The following SATB2 variants were observed in gnomAD, a reference collection of about 807,000 sequenced individuals.
SATB2 encodes the protein SATB homeobox 2, also known as DNA-binding protein SATB2.
In SATB2, 1 loss-of-function variant was observed where a neutral mutation model predicts 73.4. The observed-to-expected ratio is 0.01, with a 90% CI of 0.00 to 0.06. The LOEUF (loss-of-function observed/expected upper bound fraction) is 0.06, where lower values mean the gene tolerates loss of function less well. Among genes scored for constraint, SATB2 ranks in the 10% least tolerant of loss-of-function variants. The pLI, the probability that SATB2 is intolerant of heterozygous loss-of-function variation, is 1.00. For missense variants in SATB2, 459 were observed against 945.8 expected (o/e 0.49, Z 6.75); for synonymous variants, 397 against 367.0 (o/e 1.08, Z -0.93).
chr2:199,346,781 T>C (rs1688662492), intron 7 of SATB2: 1 of 152,138 alleles, frequency 6.6e-6, no homozygotes, highest in African/African-American at 2.4e-5. Flanking sequence ...GGTGCATTTT[T>C]TGAGTGTTAA....
intron 7 of SATB2, among the ~76,000 whole-genome samples, chr2:199,339,000 G>C (rs1193713061): frequency 6.6e-6 from 1 of 151,844 alleles, no homozygotes; most frequent in South Asian, 2.1e-4. Flanking sequence ...TCTTGCATGA[G>C]TTTTGTGAAA....
chr2:199,341,350 A>G (rs959979688), intron 7 of SATB2, among the ~76,000 whole-genome samples: 1 of 152,184 alleles, frequency 6.6e-6, no homozygotes, highest in Non-Finnish European at 1.5e-5. Flanking sequence ...CACAGACACT[A>G]TGTGCATCAC....
chr2:199,449,943 T>C (rs1692075082), intron 2 of SATB2, among the ~76,000 whole-genome samples: 1 of 152,118 alleles, frequency 6.6e-6, no homozygotes, highest in Non-Finnish European at 1.5e-5. Flanking sequence ...AGGCAAACTC[T>C]TTTCTTCATT....
At chr2:199,444,863 C>T (rs891538732) in intron 2 of SATB2, among the ~76,000 whole-genome samples, 2 of 152,184 alleles carry the variant, frequency 1.3e-5, no homozygotes, top group Non-Finnish European at 2.9e-5. Context: ...CAAATAGGAT[C>T]GACAAACAGC....
rs553939604 is a variant in SATB2, at chr2:199,371,133, TA to T, written c.598-2427del. 5.8e-4 allele frequency among the ~76,000 whole-genome samples: 88 copies of T among 152,242 alleles called. 2 individuals are homozygous for T. In the East Asian group the frequency reaches 0.015, roughly 25 times the overall value. On this transcript the variant is annotated intron_variant, in intron 5 of 10. Transcript: ENST00000417098. ...GTTATAGTCCATCCTCAGAAGACTTTAAAATCAGAAGACATAAAAATATCTT... is the reference window on the plus strand; with the variant it reads ...GTTATAGTCCATCCTCAGAAGACTTTAAATCAGAAGACATAAAAATATCTT...
intron 10 of SATB2, among the ~76,000 whole-genome samples, chr2:199,297,500 T>A (rs1687145009): frequency 6.6e-6 from 1 of 152,210 alleles, no homozygotes; most frequent in Admixed American, 6.5e-5. Flanking sequence ...AAGTTCTGCA[T>A]CTTCACTCTA....
chr2:199,398,958 C>T (rs1690385598), intron 3 of SATB2, among the ~76,000 whole-genome samples: 1 of 152,166 alleles, frequency 6.6e-6, no homozygotes, highest in South Asian at 2.1e-4. Context: ...AATCTTTGAA[C>T]TTCTAAAGAT....
At chr2:199,328,956 AT>A in intron 7 of SATB2, 46 bp from the exon 8 acceptor site, 1 of 1,479,868 alleles carries the variant, frequency 6.8e-7, no homozygotes, top group Non-Finnish European at 9.4e-7. Context: ...ATTTGCAGGT[AT>A]ATGTGTGTGG....
intron 6 of SATB2, among the ~76,000 whole-genome samples, chr2:199,359,350 T>A (rs1302830405): frequency 6.6e-6 from 1 of 152,190 alleles, no homozygotes; most frequent in African/African-American, 2.4e-5. Flanking sequence ...TAATTCGTAC[T>A]TTATAAAGGT....
chr2:199,395,917 G>C (rs1690287062), intron 3 of SATB2: 1 of 152,162 alleles, frequency 6.6e-6, no homozygotes, highest in South Asian at 2.1e-4. Context: ...TATGTATTTT[G>C]GGTGTAGCTA....
Position 199,447,233 on chromosome 2 carries a change from C to A in SATB2, c.169+8636G>T, listed in dbSNP as rs112714614. Among the ~76,000 whole-genome samples the A allele has an allele frequency of 8.0e-3, 1,215 of 152,282 alleles. 18 individuals carry two copies. Among genetic ancestry groups the A allele is most frequent in the African/African-American group, 0.027 (1,129 of 41,564 alleles). ...GCGGTTCATTCGGAGTTGCTGAAAG[C>A]ATAGCTCTGTGGAATGAGAGCCAGA... On this transcript the variant is annotated intron_variant, in intron 2 of 10. Transcript: ENST00000417098.
intron 10 of SATB2, among the ~76,000 whole-genome samples, chr2:199,298,879 C>T (rs1265602646): frequency 6.6e-6 from 1 of 152,186 alleles, no homozygotes; most frequent in Admixed American, 6.6e-5. Flanking sequence ...CAATGAGAAG[C>T]ACTCTGGTAG....
intron 7 of SATB2, among the ~76,000 whole-genome samples, chr2:199,331,077 T>C (rs1310814784): frequency 6.6e-6 from 1 of 152,138 alleles, no homozygotes; most frequent in Non-Finnish European, 1.5e-5. Flanking sequence ...TTGTGGAGTT[T>C]ATTATGGGAA....
chr2:199,418,018 C>T (rs1691045612), intron 3 of SATB2, among the ~76,000 whole-genome samples: 1 of 152,170 alleles, frequency 6.6e-6, no homozygotes, highest in Non-Finnish European at 1.5e-5. Context: ...AAGAAATTGA[C>T]ACACTGTATC....
chr2:199,409,256 G>A (rs1381152531), intron 3 of SATB2, among the ~76,000 whole-genome samples: 3 of 132,882 alleles, frequency 2.3e-5, no homozygotes, highest in Non-Finnish European at 4.6e-5. Flanking sequence ...CACAACCTCC[G>A]CCTCCCGGGT....
At chr2:199,407,569 T>C (rs756793128) in intron 3 of SATB2, among the ~76,000 whole-genome samples, 1 of 152,058 alleles carries the variant, frequency 6.6e-6, no homozygotes, top group Non-Finnish European at 1.5e-5. Context: ...TCAATGATGA[T>C]CTAGAAAAAC....
intron 3 of SATB2, among the ~76,000 whole-genome samples, chr2:199,388,376 T>C (rs1690022481): frequency 6.6e-6 from 1 of 152,186 alleles, no homozygotes; most frequent in Admixed American, 6.5e-5. Context: ...TGATAGCTTT[T>C]ACCCCTGTAC....
intron 3 of SATB2, among the ~76,000 whole-genome samples, chr2:199,409,449 C>T (rs1196778677): frequency 2.0e-5 from 3 of 152,200 alleles, no homozygotes; most frequent in Admixed American, 6.5e-5. Flanking sequence ...GGATTACAGG[C>T]GTAAGCCACT....
At chr2:199,368,429 T>C (rs1689350680) in intron 6 of SATB2, among the ~76,000 whole-genome samples, 176 bp downstream of exon 6, 1 of 152,154 alleles carries the variant, frequency 6.6e-6, no homozygotes, top group Non-Finnish European at 1.5e-5. Flanking sequence ...TTACTTCAAA[T>C]ATCTTCTTAG....
Sources: allele counts gnomAD v4.1 joint callset (sites outside exome capture counted in the v4.1 genomes callset), GRCh38; gene constraint gnomAD v4.1.1; transcripts MANE v1.5; gene names NCBI Gene and HGNC (gene_info 2026-07-23, HGNC 2026-07-21).